COPS8: variants seen among roughly 807,000 people sequenced by gnomAD.
The protein encoded by COPS8 is COP9 signalosome complex subunit 8.
Under a neutral mutation model 31.5 loss-of-function variants are expected in COPS8, and 11 were observed. The ratio of observed to expected loss-of-function variants is 0.35; its 90% CI spans 0.22 to 0.58. The LOEUF is 0.58. Ranked by LOEUF, COPS8 falls within the 20% of genes least tolerant of loss-of-function variation. The probability of loss-of-function intolerance (pLI) is 0.83; values close to 1 mark genes in which losing one functional copy is unlikely to be tolerated. For missense variants in COPS8, 215 were observed against 255.1 expected, an observed-to-expected ratio of 0.84 and a Z score of 1.07; for synonymous variants, 81 against 89.3, an observed-to-expected ratio of 0.91 and a Z score of 0.52.
chr2:237,093,915 T>A (rs1696749217), intron 4 of COPS8, 175 bp from the exon 5 acceptor site: 2 of 1,243,080 alleles, frequency 1.6e-6, no homozygotes, highest in South Asian at 3.6e-5. Context: ...CCAGCAATAT[T>A]TGAACCCCCC....
intron 2 of COPS8, 55 bp from the exon 3 acceptor site, chr2:237,088,550 C>T (rs1305477514): frequency 1.1e-5 from 14 of 1,327,068 alleles, no homozygotes; most frequent in Non-Finnish European, 1.4e-5. Flanking sequence ...TTTAACATTT[C>T]CTGAGATGAT....
rs376798032 is a variant in COPS8 at position 237,085,917 on chromosome 2, CTG to C, written c.-47_-46del. On this transcript the variant is annotated 5_prime_UTR_variant, in exon 1 of 8. Transcript: ENST00000354371. ...GCGGGCGCGACGCCTGAGGGACAGT[CTG>C]GGGTTTGGCTGTCCGGACGGTGCAG... 5.2e-4 allele frequency: 816 copies of C among 1,580,658 alleles called. 4 individuals carry two copies. The African/African-American group carries it at 9.1e-3, about 18-fold the overall frequency.
intron 7 of COPS8, 113 bp from the exon 8 acceptor site, chr2:237,097,550 A>G: frequency 1.4e-6 from 1 of 698,174 alleles, no homozygotes; most frequent in South Asian, 1.9e-5. Flanking sequence ...GACAAATCTA[A>G]GAAAGTTAAC....
At position 237,085,969 on chromosome 2, in the gene COPS8, C is replaced by T. The variant is rs756826172; in HGVS notation, c.5C>T (p.Pro2Leu). Residue 2 changes from proline (P) to leucine (L), a missense_variant, in exon 1 of 8, where the codon CCA becomes CTA. Physicochemically the swap from Pro to Leu is moderately conservative, Grantham distance 98 (BLOSUM62 -3). Coordinates refer to ENST00000354371, the MANE Select transcript of COPS8 (RefSeq NM_006710.5). ...GCGGCGAGGCCGGCCGCGAAGATGC[C>T]AGTGGCGGTGATGGCGGAAAGCGCC... M[P>L]VAVMAESAFS... is the part of the protein sequence containing the mutation. The T allele has an allele frequency of 4.3e-6, 7 of 1,610,426 alleles. No homozygotes were observed. Among genetic ancestry groups the T allele is most frequent in the African/African-American group, 1.3e-5 (1 of 74,924 alleles).
chr2:237,094,655 C>T (rs1262216418), intron 5 of COPS8, among the ~76,000 whole-genome samples: 4 of 152,034 alleles, frequency 2.6e-5, no homozygotes, highest in African/African-American at 7.2e-5. Context: ...TCCTGTTGCT[C>T]GTTGTTATAG....
At chr2:237,090,793 C>A (rs1357472875) in intron 4 of COPS8, among the ~76,000 whole-genome samples, 13 of 152,096 alleles carry the variant, frequency 8.5e-5, no homozygotes, top group Non-Finnish European at 1.5e-4. Context: ...AAATTCTTAG[C>A]AGCATAAAAC....
chr2:237,095,048 G>A (rs1696774568), intron 5 of COPS8, among the ~76,000 whole-genome samples: 1 of 152,124 alleles, frequency 6.6e-6, no homozygotes, highest in African/African-American at 2.4e-5. Context: ...TAAAATATGA[G>A]CACCATCACG....
intron 4 of COPS8, among the ~76,000 whole-genome samples, chr2:237,090,794 A>G (rs1696693306): frequency 6.6e-6 from 1 of 152,332 alleles, no homozygotes; most frequent in Middle Eastern, 3.4e-3. Flanking sequence ...AATTCTTAGC[A>G]GCATAAAACA....
chr2:237,097,591 G>A, intron 7 of COPS8, 72 bp from the exon 8 acceptor site: 1 of 1,012,930 alleles, frequency 9.9e-7, no homozygotes, highest in Non-Finnish European at 1.5e-6. Context: ...CATTAGGGGA[G>A]GTAGGTGTTG....
intron 5 of COPS8, 85 bp from the exon 6 acceptor site, chr2:237,095,737 T>A: frequency 1.1e-6 from 1 of 873,536 alleles, no homozygotes; most frequent in Admixed American, 1.8e-5. Context: ...TCAGGTCTTC[T>A]GTACAACTAA....
At chr2:237,091,598 G>T (rs1275392625) in intron 4 of COPS8, among the ~76,000 whole-genome samples, 3 of 152,180 alleles carry the variant, frequency 2.0e-5, no homozygotes, top group Non-Finnish European at 4.4e-5. Flanking sequence ...TTATTTTCTA[G>T]TTGAGAACAA....
At chr2:237,096,505 C>T (rs78545853) in intron 6 of COPS8, among the ~76,000 whole-genome samples, 13,526 of 152,180 alleles carry the variant, frequency 0.089, 693 homozygotes, top group Non-Finnish European at 0.11. Context: ...TCCATAAACC[C>T]GCCTTCATCC....
rs73083566 is a variant in COPS8 at position 237,095,792 on chromosome 2, C to T, written c.440-30C>T. On this transcript the variant is annotated intron_variant, in intron 5 of 7. Coordinates refer to ENST00000354371, the MANE Select transcript of COPS8 (RefSeq NM_006710.5). ...ATTTTGTGGGGTGTTTTATTCTTTC[C>T]GGATCTTTATGTGTAATATACTTTT... 0.015 allele frequency: 22,216 copies of T among 1,490,102 alleles called. 370 individuals carry two copies. Among genetic ancestry groups the T allele is most frequent in the African/African-American group, 0.062 (4,482 of 72,324 alleles). 92.3% of individuals were successfully genotyped at this position (1,490,102 alleles called of 1,614,324 possible). A position where few individuals can be genotyped will look rare whatever the true frequency, so the allele number is the denominator to read the frequency against.
intron 4 of COPS8, among the ~76,000 whole-genome samples, chr2:237,092,497 A>G (rs997148976): frequency 6.6e-6 from 1 of 152,216 alleles, no homozygotes; most frequent in Non-Finnish European, 1.5e-5. Context: ...TTTGAAATAC[A>G]GTTGACTTAC....
intron 4 of COPS8, among the ~76,000 whole-genome samples, chr2:237,091,052 A>G (rs896503335): frequency 6.6e-6 from 1 of 152,172 alleles, no homozygotes; most frequent in Non-Finnish European, 1.5e-5. Context: ...GTCACAGGCC[A>G]TGTGCCTTTT....
intron 3 of COPS8, among the ~76,000 whole-genome samples, chr2:237,089,405 G>C (rs774923231): frequency 1.3e-5 from 2 of 152,096 alleles, no homozygotes; most frequent in Non-Finnish European, 2.9e-5. Flanking sequence ...AATGGCGTTA[G>C]TGGAAACTCA....
intron 5 of COPS8, 111 bp from the exon 6 acceptor site, chr2:237,095,711 G>C (rs1696787020): frequency 1.5e-6 from 1 of 679,424 alleles, no homozygotes; most frequent in Non-Finnish European, 2.7e-6. Flanking sequence ...GCATATGACG[G>C]GTTATACTAA....
chr2:237,092,354 CAT>C (rs559181719), intron 4 of COPS8, among the ~76,000 whole-genome samples: 37 of 152,338 alleles, frequency 2.4e-4, no homozygotes, highest in South Asian at 1.2e-3. Flanking sequence ...TCTCCCATCA[CAT>C]GTTTTTCTTT....
At position 237,089,877 on chromosome 2, in the gene COPS8, G is replaced by C; in HGVS notation, c.214G>C (p.Gly72Arg). The C allele has an allele frequency of 6.2e-7, 1 of 1,612,428 alleles. No individual in the cohort carries two copies. The highest frequency in any genetic ancestry group is 8.5e-7 in the Non-Finnish European group (1 of 1,179,732). ...PAIKSANSEL[G>R]GIWSVGQRIW... ...TTTATTGCAGGCAAATTCTGAACTT[G>C]GGGGAATTTGGTCAGTAGGACAAAG... The change falls in exon 4 of 8, where the codon GGG (glycine) becomes CGG (arginine). Residue 72 changes from glycine to arginine, a missense_variant. Transcript: ENST00000354371.
Sources: allele counts gnomAD v4.1 joint callset (sites outside exome capture counted in the v4.1 genomes callset), GRCh38; gene constraint gnomAD v4.1.1; transcripts MANE v1.5; gene names NCBI Gene and HGNC (gene_info 2026-07-23, HGNC 2026-07-21).